STON1: variants seen among roughly 807,000 people sequenced by gnomAD.
STON1 encodes the protein stonin 1.
Under a neutral mutation model 60.9 loss-of-function variants are expected in STON1, and 79 were observed. That is an observed-to-expected ratio of 1.30 (90% CI 1.08 to 1.56). STON1 has a LOEUF of 1.56. Ranked by LOEUF, STON1 falls within the 40% of genes most tolerant of loss-of-function variation. The pLI is 0.00. For synonymous variants in STON1, 363 were observed against 306.9 expected (o/e 1.18, Z -1.91); for missense variants, 1,166 against 858.9 (o/e 1.36, Z -4.47).
At chr2:48,565,424 C>A (rs1329508221) in intron 1 of STON1, among the ~76,000 whole-genome samples, 2 of 152,026 alleles carry the variant, frequency 1.3e-5, no homozygotes, top group Non-Finnish European at 2.9e-5. Context: ...CTTCTAATGG[C>A]CCCATCTCTA....
intron 1 of STON1, among the ~76,000 whole-genome samples, chr2:48,571,144 C>T (rs1423253572): frequency 9.9e-5 from 15 of 152,196 alleles, no homozygotes; most frequent in Non-Finnish European, 1.8e-4. Context: ...GCATGGGCCA[C>T]TGTGACTGGC....
chr2:48,595,196 A>G (rs765075008), intron 3 of STON1, 32 bp from the exon 4 acceptor site: 1 of 1,562,684 alleles, frequency 6.4e-7, no homozygotes, highest in African/African-American at 1.3e-5. Context: ...TGCATTTGTT[A>G]ATGCTGCCTG....
At chr2:48,569,806 T>C (rs1305527806) in intron 1 of STON1, among the ~76,000 whole-genome samples, 2 of 152,236 alleles carry the variant, frequency 1.3e-5, no homozygotes, top group African/African-American at 2.4e-5. Context: ...AGAAGTGTTT[T>C]AGATTTTTTT....
chr2:48,566,583 T>A (rs777834554), intron 1 of STON1, among the ~76,000 whole-genome samples: 1 of 152,094 alleles, frequency 6.6e-6, no homozygotes, highest in Non-Finnish European at 1.5e-5. Context: ...GCACCCGACC[T>A]GTGACTGGGC....
At chr2:48,558,152 G>C (rs184316657) in intron 1 of STON1, among the ~76,000 whole-genome samples, 4 of 152,324 alleles carry the variant, frequency 2.6e-5, no homozygotes, top group African/African-American at 9.6e-5. Flanking sequence ...GAACCCGGGA[G>C]GCAGAGGCGG....
Position 48,581,270 on chromosome 2 carries a change from G to T in STON1, c.637G>T (p.Glu213Ter). 3.3e-6 allele frequency: 5 copies of T among 1,518,754 alleles called. No individual in the cohort carries two copies. In the South Asian group the frequency reaches 5.4e-5, roughly 16 times the overall value. The allele number at this position is 1,518,754 out of a possible 1,614,324, so 94.1% of individuals were successfully genotyped here. ...SKKMFSSRNK[E>*]MPIDQKSLNK... Reference sequence around the variant, plus strand: ...AAAGATGTTCTCATCAAGAAACAAGGAGATGCCTATTGACCAAAAAAGCCT... The same window carrying T: ...AAAGATGTTCTCATCAAGAAACAAGTAGATGCCTATTGACCAAAAAAGCCT... Residue 213 changes from glutamate to a stop codon, truncating the protein, a stop_gained, in exon 2 of 4, where the codon GAG becomes TAG. Transcript: ENST00000404752. LOFTEE classifies it high-confidence loss of function.
intron 1 of STON1, among the ~76,000 whole-genome samples, chr2:48,554,437 A>G (rs998999192): frequency 6.6e-5 from 10 of 151,940 alleles, no homozygotes; most frequent in Admixed American, 5.9e-4. Context: ...TGGCCAGGCT[A>G]GTTTCGAACT....
At position 48,541,285 on chromosome 2, in the gene STON1, G is replaced by A. The variant is rs180740483; in HGVS notation, c.-48+11069G>A. Reference sequence around the variant, plus strand: ...CAGTCACTTGAACCTAAGCTGGGGCGGAGGTTGAAGTGAGCTGAGATCCTG... The same window carrying A: ...CAGTCACTTGAACCTAAGCTGGGGCAGAGGTTGAAGTGAGCTGAGATCCTG... On this transcript the variant is annotated intron_variant, in intron 1 of 3. Coordinates refer to ENST00000404752, the MANE Select transcript of STON1 (RefSeq NM_006873.4). 3.4e-3 allele frequency among the ~76,000 whole-genome samples: 514 copies of A among 151,940 alleles called. 3 individuals carry two copies. The highest frequency in any genetic ancestry group is 0.011 in the African/African-American group (469 of 41,430).
chr2:48,590,636 A>AACACACACAC lies in STON1; in HGVS notation c.1931-1002_1931-993dup, dbSNP rs6146756. Among the ~76,000 whole-genome samples, 382 of 142,110 alleles carry AACACACACAC rather than the reference A, an allele frequency of 2.7e-3. 2 individuals carry two copies. Among genetic ancestry groups the AACACACACAC allele is most frequent in the African/African-American group, 9.4e-3 (351 of 37,516 alleles). 93.2% of individuals were successfully genotyped at this position (142,110 alleles called of 152,430 possible). A position where few individuals can be genotyped will look rare whatever the true frequency, so the allele number is the denominator to read the frequency against. ...ATGAAAATATTGATCATTTCCTTAT[A>AACACACACAC]ACACACACACACACACACACACACT... On this transcript the variant is annotated intron_variant, in intron 2 of 3. Coordinates refer to ENST00000404752, the MANE Select transcript of STON1 (RefSeq NM_006873.4).
intron 1 of STON1, among the ~76,000 whole-genome samples, chr2:48,572,881 G>A (rs764950785): frequency 1.1e-4 from 17 of 152,206 alleles, no homozygotes; most frequent in Non-Finnish European, 2.2e-4. Flanking sequence ...GAGGGAAGGT[G>A]CTTCACAGCA....
At chr2:48,589,355 G>C (rs544682574) in intron 2 of STON1, among the ~76,000 whole-genome samples, 1 of 152,266 alleles carries the variant, frequency 6.6e-6, no homozygotes, top group South Asian at 2.1e-4. Flanking sequence ...ACCAAAGCTG[G>C]ACAGTTCCCC....
intron 1 of STON1, among the ~76,000 whole-genome samples, chr2:48,555,559 C>T (rs1432346380): frequency 6.2e-5 from 4 of 64,358 alleles, no homozygotes; most frequent in Non-Finnish European, 6.3e-5. Flanking sequence ...CTGACACCCC[C>T]ACCTCCCTCC....
At chr2:48,579,424 A>C (rs372823545) in intron 1 of STON1, among the ~76,000 whole-genome samples, 8 of 150,328 alleles carry the variant, frequency 5.3e-5, no homozygotes, top group African/African-American at 1.7e-4. Flanking sequence ...CTGTGTTTTC[A>C]TTTTCATTTG....
At chr2:48,570,481 G>A (rs1454464674) in intron 1 of STON1, among the ~76,000 whole-genome samples, 3 of 152,188 alleles carry the variant, frequency 2.0e-5, no homozygotes, top group Non-Finnish European at 2.9e-5. Flanking sequence ...GGGACAATTA[G>A]TTAGTTCAGG....
chr2:48,581,936 G>A lies in STON1; in HGVS notation c.1303G>A (p.Glu435Lys), dbSNP rs1264450694. ...AGTCACAAAAGAAGGAAAATTTGTT[G>A]AAAGTGCTGTGATAACTCAAATTTA... ...GKVTKEGKFV[E>K]SAVITQIYCL... Residue 435 changes from glutamate to lysine, a missense_variant, in exon 2 of 4, where the codon GAA becomes AAA. Transcript: ENST00000404752. 1 of 1,614,122 alleles carries A rather than the reference G, an allele frequency of 6.2e-7. No homozygotes were observed. The highest frequency in any genetic ancestry group is 8.5e-7 in the Non-Finnish European group (1 of 1,180,028).
intron 1 of STON1, among the ~76,000 whole-genome samples, chr2:48,542,307 A>G (rs1671687354): frequency 1.3e-5 from 2 of 152,220 alleles, no homozygotes; most frequent in Admixed American, 1.3e-4. Flanking sequence ...GTGTCCTTCT[A>G]TCAGTGACAA....
intron 1 of STON1, among the ~76,000 whole-genome samples, chr2:48,536,494 G>C (rs1671434355): frequency 6.8e-6 from 1 of 147,888 alleles, no homozygotes; most frequent in Admixed American, 6.8e-5. Flanking sequence ...GTTGCAGTGA[G>C]CTGAGATCGT....
At chr2:48,564,456 T>TCCTCC (rs1672762985) in intron 1 of STON1, among the ~76,000 whole-genome samples, 1 of 53,720 alleles carries the variant, frequency 1.9e-5, no homozygotes, top group African/African-American at 7.0e-5. Context: ...CTTCTTCTTC[T>TCCTCC]TCTTCTTCTT....
At chr2:48,577,073 G>C (rs1029463632) in intron 1 of STON1, among the ~76,000 whole-genome samples, 4 of 150,752 alleles carry the variant, frequency 2.7e-5, no homozygotes, top group Non-Finnish European at 5.9e-5. Flanking sequence ...AAGAAAAAAA[G>C]AAAGACAGAA....
Sources: allele counts gnomAD v4.1 joint callset (sites outside exome capture counted in the v4.1 genomes callset), GRCh38; gene constraint gnomAD v4.1.1; transcripts MANE v1.5; gene names NCBI Gene and HGNC (gene_info 2026-07-23, HGNC 2026-07-21).